The following PSMA8 variants were observed in gnomAD, a reference collection of about 807,000 sequenced individuals.
The protein encoded by PSMA8 is proteasome subunit alpha-type 8.
PSMA8 carries 18 observed loss-of-function variants against 32.4 expected under a neutral mutation model. The observed-to-expected ratio is 0.56, with a 90% confidence interval of 0.38 to 0.82. The LOEUF is 0.82. PSMA8 is among the 40% of genes least tolerant of loss of function. The pLI, the probability that PSMA8 is intolerant of heterozygous loss-of-function variation, is 0.00. For synonymous variants in PSMA8, 104 were observed against 98.1 expected (o/e 1.06, Z -0.36); for missense variants, 298 against 300.7 (o/e 0.99, Z 0.07).
In PSMA8 at chr18:26,134,031, A is replaced by G; in HGVS notation, c.66A>G (p.Glu22=). The G allele has an allele frequency of 1.2e-6, 2 of 1,614,086 alleles. No homozygotes were observed. The highest frequency in any genetic ancestry group is 2.7e-5 in the African/African-American group (2 of 75,046). The change falls in exon 1 of 7, where the codon GAA becomes GAG. Residue 22 remains glutamate, a synonymous_variant. Coordinates refer to ENST00000415576, the MANE Select transcript of PSMA8 (RefSeq NM_001025096.2). ...FSPDGHLFQV[E]YAQEAVKKGS... ...CAGACGGACACCTTTTTCAAGTTGA[A>G]TATGCCCAGGAAGCGGTGAAGAAAG...
intron 4 of PSMA8, among the ~76,000 whole-genome samples, chr18:26,166,201 T>G (rs2055178690): frequency 2.0e-5 from 3 of 152,190 alleles, no homozygotes; most frequent in Admixed American, 6.5e-5. Flanking sequence ...GTTGCTTGGC[T>G]TTATACGCTT....
chr18:26,188,340 C>CA (rs35512719), intron 6 of PSMA8, among the ~76,000 whole-genome samples: 115,644 of 143,662 alleles, frequency 0.8, 46,933 homozygotes, highest in Non-Finnish European at 0.88. Context: ...AAAAGGACAC[C>CA]AAAAAAAAAA....
At chr18:26,176,164 G>C (rs2055262406) in intron 4 of PSMA8, among the ~76,000 whole-genome samples, 1 of 152,122 alleles carries the variant, frequency 6.6e-6, no homozygotes, top group African/African-American at 2.4e-5. Flanking sequence ...GGCAAGAACA[G>C]GATAGATTTT....
At chr18:26,188,227 T>G (rs2055372136) in intron 6 of PSMA8, among the ~76,000 whole-genome samples, 1 of 152,036 alleles carries the variant, frequency 6.6e-6, no homozygotes, top group Admixed American at 6.6e-5. Flanking sequence ...ATTGAAAATT[T>G]TCTTGAAACA....
chr18:26,150,535 T>C (rs772803336), intron 2 of PSMA8, among the ~76,000 whole-genome samples: 33 of 152,162 alleles, frequency 2.2e-4, no homozygotes, highest in Non-Finnish European at 2.6e-4. Context: ...AACCGGGGTC[T>C]CTCTGCGTTG....
intron 1 of PSMA8, among the ~76,000 whole-genome samples, chr18:26,138,456 T>A (rs753311575): frequency 2.6e-5 from 4 of 152,196 alleles, no homozygotes; most frequent in Non-Finnish European, 5.9e-5. Flanking sequence ...AAAGCCAATA[T>A]GCAAAGAGTA....
At chr18:26,184,184 G>T (rs1338522629) in intron 6 of PSMA8, among the ~76,000 whole-genome samples, 1 of 150,468 alleles carries the variant, frequency 6.6e-6, no homozygotes. Flanking sequence ...ATTTTTCCAA[G>T]GTATGCCTGT....
intron 2 of PSMA8, among the ~76,000 whole-genome samples, chr18:26,146,341 C>G (rs926850684): frequency 2.6e-5 from 4 of 151,940 alleles, no homozygotes; most frequent in Non-Finnish European, 5.9e-5. Flanking sequence ...TCAGCTTGGG[C>G]AACTGAGCAA....
intron 1 of PSMA8, among the ~76,000 whole-genome samples, chr18:26,135,235 T>C (rs1189094090): frequency 6.6e-6 from 1 of 152,208 alleles, no homozygotes; most frequent in Non-Finnish European, 1.5e-5. Flanking sequence ...ACAAGATCTA[T>C]TACCCCAAAT....
intron 4 of PSMA8, among the ~76,000 whole-genome samples, chr18:26,174,909 G>A (rs1319766318): frequency 2.6e-5 from 4 of 152,304 alleles, no homozygotes; most frequent in Admixed American, 6.5e-5. Context: ...TTACTTGAAC[G>A]TAGAGCCCTT....
chr18:26,176,401 A>G (rs2055264065), intron 4 of PSMA8, among the ~76,000 whole-genome samples: 1 of 152,228 alleles, frequency 6.6e-6, no homozygotes, highest in Non-Finnish European at 1.5e-5. Context: ...AAGTCATGCC[A>G]GGCTGAAGGC....
chr18:26,184,511 G>A (rs1256150857), intron 6 of PSMA8, among the ~76,000 whole-genome samples: 12 of 150,180 alleles, frequency 8.0e-5, no homozygotes, highest in South Asian at 2.1e-4. Flanking sequence ...GGTGGCTCAC[G>A]CTTGCAATCT....
intron 4 of PSMA8, among the ~76,000 whole-genome samples, chr18:26,166,021 G>T (rs536473497): frequency 6.6e-6 from 1 of 152,104 alleles, no homozygotes; most frequent in Non-Finnish European, 1.5e-5. Context: ...AGAATTGCTT[G>T]AACCCAGGAG....
chr18:26,152,004 C>T lies in PSMA8; in HGVS notation c.354+22C>T. 1.9e-6 allele frequency: 3 copies of T among 1,569,964 alleles called. No individual in the cohort carries two copies. In the South Asian group the frequency reaches 3.6e-5, roughly 19 times the overall value. Reference sequence around the variant, plus strand: ...GCAGGTAAGCTAATATTCTAACATACTTTGTTAAGCTTTCTCCTTTTTCAT... The same window carrying T: ...GCAGGTAAGCTAATATTCTAACATATTTTGTTAAGCTTTCTCCTTTTTCAT... On this transcript the variant is annotated intron_variant, in intron 3 of 6. Transcript: ENST00000415576.
rs1328270121 is a variant in PSMA8, at chr18:26,133,935, G to A, written c.-31G>A. ...CTTGCCTCAGCTGCAGCAGCGGGAA[G>A]CTCGGTGGCAAGCCCTTGTAGTCCT... On this transcript the variant is annotated 5_prime_UTR_variant, in exon 1 of 7. Transcript: ENST00000415576. 9 of 1,576,698 alleles carry A rather than the reference G, an allele frequency of 5.7e-6. No individual in the cohort carries two copies. The highest frequency in any genetic ancestry group is 7.8e-6 in the Non-Finnish European group (9 of 1,147,198).
chr18:26,162,514 A>G (rs1185940040), intron 4 of PSMA8, among the ~76,000 whole-genome samples: 1 of 152,176 alleles, frequency 6.6e-6, no homozygotes, highest in South Asian at 2.1e-4. Context: ...CTCTCCTTCT[A>G]TAAACATCTG....
At chr18:26,144,128 GT>G (rs1329760514) in intron 1 of PSMA8, among the ~76,000 whole-genome samples, 1 of 152,124 alleles carries the variant, frequency 6.6e-6, no homozygotes, top group Admixed American at 6.5e-5. Context: ...GTTTGGGGAT[GT>G]TTTTGTGACC....
In PSMA8 at chr18:26,152,059, A is replaced by G. The variant is rs1457979959; in HGVS notation, c.354+77A>G. 8 of 1,115,990 alleles carry G rather than the reference A, an allele frequency of 7.2e-6. No homozygotes were observed. In the East Asian group the frequency reaches 2.1e-4, roughly 29 times the overall value. The allele number at this position is 1,115,990 out of a possible 1,614,324, so 69.1% of individuals were successfully genotyped here. A position where few individuals can be genotyped will look rare whatever the true frequency, so the allele number is the denominator to read the frequency against. On this transcript the variant is annotated intron_variant, in intron 3 of 6. Transcript: ENST00000415576. ...ATAAGTCCTATCATAGAAGTACTAC[A>G]GTTACTCCAACCATGTAGTCTATTA...
chr18:26,161,732 T>C (rs1012307041), intron 4 of PSMA8, among the ~76,000 whole-genome samples: 4 of 152,088 alleles, frequency 2.6e-5, no homozygotes, highest in Admixed American at 6.5e-5. Context: ...CTGGACAACA[T>C]AGACTGTTTC....
Sources: allele counts gnomAD v4.1 joint callset (sites outside exome capture counted in the v4.1 genomes callset), GRCh38; gene constraint gnomAD v4.1.1; transcripts MANE v1.5; gene names NCBI Gene and HGNC (gene_info 2026-07-23, HGNC 2026-07-21).